Variants in EFL1 observed in about 807,000 individuals in gnomAD.
EFL1 encodes elongation factor like GTPase 1, also known as elongation factor-like GTPase 1.
A neutral mutation model predicts 126.7 loss-of-function variants in EFL1; 76 were observed. That is an observed-to-expected ratio of 0.60 (90% confidence interval 0.50 to 0.73). EFL1 has a LOEUF of 0.73. Ranked by LOEUF, EFL1 falls within the 30% of genes least tolerant of loss-of-function variation. The pLI is 0.00. For missense variants in EFL1, 1,128 were observed against 1,343.2 expected (o/e 0.84, Z 2.50); for synonymous variants, 410 against 448.4 (o/e 0.91, Z 1.08).
chr15:82,139,630 T>C (rs1010319901), intron 18 of EFL1, among the ~76,000 whole-genome samples: 7 of 152,244 alleles, frequency 4.6e-5, no homozygotes, highest in African/African-American at 2.4e-5. Flanking sequence ...CTGCAAAGAA[T>C]AGAGATACAT....
intron 3 of EFL1, among the ~76,000 whole-genome samples, chr15:82,256,366 T>A (rs547403351): frequency 6.6e-6 from 1 of 152,244 alleles, no homozygotes; most frequent in Non-Finnish European, 1.5e-5. Flanking sequence ...TTTTCAACAG[T>A]TTTCGTATCC....
chr15:82,198,843 G>A lies in EFL1; in HGVS notation c.1750+15874C>T, dbSNP rs1158980934. Among the ~76,000 whole-genome samples, 6 of 152,178 alleles carry A rather than the reference G, an allele frequency of 3.9e-5. No homozygotes were observed. The South Asian group carries it at 1.0e-3, about 26-fold the overall frequency. ...GAGGATGCCTTATTTACTAGTTTGC[G>A]ATCAAAACTGTGAAGCACCTACAAA... is the stretch of plus-strand genomic sequence containing the variant. On this transcript the variant is annotated intron_variant, in intron 15 of 19. Coordinates refer to ENST00000268206, the MANE Select transcript of EFL1 (RefSeq NM_024580.6).
chr15:82,139,650 CA>C (rs968847546), intron 18 of EFL1, among the ~76,000 whole-genome samples: 3 of 152,228 alleles, frequency 2.0e-5, no homozygotes, highest in Non-Finnish European at 4.4e-5. Flanking sequence ...TTGAAAATCA[CA>C]GACAATCATG....
intron 15 of EFL1, among the ~76,000 whole-genome samples, chr15:82,211,838 T>C (rs2074594192): frequency 6.6e-6 from 1 of 152,198 alleles, no homozygotes; most frequent in African/African-American, 2.4e-5. Flanking sequence ...AAATGGGTTA[T>C]CAATCAACCC....
At chr15:82,239,603 G>C (rs1300522214) in intron 6 of EFL1, among the ~76,000 whole-genome samples, 4 of 152,198 alleles carry the variant, frequency 2.6e-5, no homozygotes, top group African/African-American at 9.7e-5. Context: ...CGGCATATCA[G>C]GTTCACTGAC....
chr15:82,148,770 G>C (rs1016681615), intron 18 of EFL1, among the ~76,000 whole-genome samples: 3 of 152,182 alleles, frequency 2.0e-5, no homozygotes, highest in Admixed American at 2.0e-4. Flanking sequence ...GTAGGTGCCA[G>C]ACTATAGGAA....
intron 4 of EFL1, among the ~76,000 whole-genome samples, chr15:82,242,149 A>G (rs2074937838): frequency 6.6e-6 from 1 of 152,240 alleles, no homozygotes; most frequent in Admixed American, 6.5e-5. Flanking sequence ...AACTTAGTAT[A>G]CCATGCAGAA....
intron 1 of EFL1, 131 bp from the exon 2 acceptor site, chr15:82,261,928 T>G (rs2141349581): frequency 3.2e-6 from 2 of 629,398 alleles, no homozygotes; most frequent in East Asian, 5.5e-5. Context: ...GAATGTTTAT[T>G]GATGAGATAG....
At chr15:82,246,938 C>G (rs1290377614) in intron 4 of EFL1, among the ~76,000 whole-genome samples, 1 of 152,068 alleles carries the variant, frequency 6.6e-6, no homozygotes, top group East Asian at 1.9e-4. Flanking sequence ...CACTTGAGAA[C>G]CTAGCCCAAA....
intron 16 of EFL1, 91 bp downstream of exon 16, chr15:82,163,762 T>C (rs2074047578): frequency 6.9e-7 from 1 of 1,452,794 alleles, no homozygotes; most frequent in South Asian, 1.4e-5. Context: ...TATATACTGC[T>C]GAAACAAGTC....
chr15:82,241,050 AAAAC>A (rs1343086686), intron 5 of EFL1, among the ~76,000 whole-genome samples: 4 of 152,212 alleles, frequency 2.6e-5, no homozygotes, highest in African/African-American at 9.7e-5. Context: ...ACTCTGTCTC[AAAAC>A]AAACAAAAAC....
intron 19 of EFL1, among the ~76,000 whole-genome samples, chr15:82,135,024 G>A (rs897828742): frequency 6.6e-6 from 1 of 152,104 alleles, no homozygotes; most frequent in African/African-American, 2.4e-5. Flanking sequence ...AACTATGGGG[G>A]AAAAACCAAG....
rs191330815 is a variant in EFL1, at chr15:82,224,409, T to C, written c.1292+756A>G. Among the ~76,000 whole-genome samples, 1,032 of 152,314 alleles carry C rather than the reference T, an allele frequency of 6.8e-3. 3 individuals carry two copies. Among genetic ancestry groups the C allele is most frequent in the Non-Finnish European group, 0.012 (792 of 68,032 alleles). ...TGACAACTAATTATATTAAAACTTG[T>C]TTCCCTAAGTACCACTGAAATCATC... On this transcript the variant is annotated intron_variant, in intron 12 of 19. Transcript: ENST00000268206.
chr15:82,151,375 G>A, intron 18 of EFL1, 90 bp downstream of exon 18: 1 of 1,274,422 alleles, frequency 7.8e-7, no homozygotes, highest in South Asian at 1.4e-5. Context: ...GCGACAGAAT[G>A]AGACCCTGTC....
intron 4 of EFL1, among the ~76,000 whole-genome samples, chr15:82,248,643 C>G (rs1177513398): frequency 6.6e-6 from 1 of 152,134 alleles, no homozygotes; most frequent in African/African-American, 2.4e-5. Flanking sequence ...GGAGGACAAC[C>G]TCACTGCATA....
At chr15:82,231,491 G>A (rs1446772756) in intron 7 of EFL1, among the ~76,000 whole-genome samples, 7 of 151,996 alleles carry the variant, frequency 4.6e-5, no homozygotes, top group African/African-American at 9.7e-5. Context: ...ACTTACCACC[G>A]TGGTCTCCAG....
chr15:82,219,906 A>G, intron 13 of EFL1, 88 bp from the exon 14 acceptor site: 1 of 1,503,252 alleles, frequency 6.7e-7, no homozygotes, highest in South Asian at 1.3e-5. Flanking sequence ...TGAATATGAT[A>G]TCTTTCGTCA....
intron 2 of EFL1, among the ~76,000 whole-genome samples, chr15:82,259,849 A>T (rs910226312): frequency 6.6e-6 from 1 of 152,188 alleles, no homozygotes; most frequent in Non-Finnish European, 1.5e-5. Context: ...AAGCTATGGA[A>T]TCTCTGTATT....
chr15:82,139,709 C>G (rs1313689980), intron 18 of EFL1, among the ~76,000 whole-genome samples: 1 of 152,222 alleles, frequency 6.6e-6, no homozygotes, highest in African/African-American at 2.4e-5. Flanking sequence ...CCTTCTCTTT[C>G]ACCTGCTGCC....
Sources: gnomAD v4.1 joint callset for allele counts (sites outside exome capture counted in the v4.1 genomes callset) on GRCh38, gnomAD v4.1.1 for gene constraint, MANE v1.5 for transcripts, NCBI Gene and HGNC (gene_info 2026-07-23, HGNC 2026-07-21) for gene names.